PRDM15: variants seen among roughly 807,000 people sequenced by gnomAD.
PRDM15 encodes the protein PR domain zinc finger protein 15.
Under a neutral mutation model 128.6 loss-of-function variants are expected in PRDM15, and 64 were observed. The observed-to-expected ratio is 0.50, with a 90% CI of 0.41 to 0.61. The LOEUF (loss-of-function observed/expected upper bound fraction) is 0.61. PRDM15 is among the 20% of genes least tolerant of loss of function. The pLI, the probability that PRDM15 is intolerant of heterozygous loss-of-function variation, is 0.00. For synonymous variants in PRDM15, 615 were observed against 621.8 expected (o/e 0.99, Z 0.16); for missense variants, 1,242 against 1,569.1 (o/e 0.79, Z 3.52).
intron 21 of PRDM15, among the ~76,000 whole-genome samples, chr21:41,806,555 CCATCA>C (rs2061662503): frequency 8.7e-5 from 1 of 11,480 alleles, no homozygotes; most frequent in Non-Finnish European, 1.8e-4. Context: ...AACATCACCA[CCATCA>C]CCATCACCAT....
chr21:41,836,620 G>A lies in PRDM15; in HGVS notation c.1031C>T (p.Thr344Met), dbSNP rs764627146. ...TGAGAGAATTAAGCTCCTCTTGAGC[G>A]TGATGGTGTTATTCTGATGATGGGT... The part of the protein sequence containing the change: ...KFTHHQNNTI[T>M]LKRSLILSSR... The change falls in exon 9 of 24, where the codon ACG becomes ATG. Residue 344 changes from threonine (T) to methionine (M), a missense_variant. Thr to Met is a moderately conservative substitution (Grantham distance 81). Around this residue, in one of 3 missense-constraint regions of PRDM15, gnomAD observed 612 missense variants for 717.0 expected, o/e 0.85. Transcript: ENST00000398548. 6.2e-6 allele frequency: 10 copies of A among 1,612,182 alleles called. No individual in the cohort carries two copies. The highest frequency in any genetic ancestry group is 4.5e-5 in the East Asian group (2 of 44,742).
rs575749675 is a variant in PRDM15 at position 41,853,045 on chromosome 21, C to A, written c.538+1521G>T. On this transcript the variant is annotated intron_variant, in intron 5 of 23. Transcript: ENST00000398548. ...CCAGAGGTTGGGGAGAGTCCCGGGA[C>A]AGATTCTCCCTCAGGGTGCCCAGAA... Among the ~76,000 whole-genome samples, 11 of 152,364 alleles carry A rather than the reference C, an allele frequency of 7.2e-5. No homozygotes were observed. In the South Asian group the frequency reaches 2.3e-3, roughly 32 times the overall value.
At chr21:41,835,281 T>A (rs1391140213) in intron 11 of PRDM15, among the ~76,000 whole-genome samples, 156 bp downstream of exon 11, 2 of 152,186 alleles carry the variant, frequency 1.3e-5, no homozygotes, top group Non-Finnish European at 2.9e-5. Context: ...GGGTAACAAC[T>A]GCTTTGAAGC....
Position 41,801,207 on chromosome 21 carries a change from G to A in PRDM15, c.*33C>T. ...CTAAACAAATCCCAAACATCCCTCT[G>A]CAGTTCTTGCCCCGAGTCTCCCGGA... On this transcript the variant is annotated 3_prime_UTR_variant, in exon 24 of 24. Transcript: ENST00000398548. The A allele has an allele frequency of 1.3e-6, 2 of 1,504,110 alleles. No homozygotes were observed. Among genetic ancestry groups the A allele is most frequent in the African/African-American group, 2.8e-5 (2 of 71,686 alleles). The allele number at this position is 1,504,110 out of a possible 1,614,324, so 93.2% of individuals were successfully genotyped here.
chr21:41,816,930 C>G (rs1318120540), intron 18 of PRDM15, among the ~76,000 whole-genome samples: 1 of 150,904 alleles, frequency 6.6e-6, no homozygotes, highest in African/African-American at 2.4e-5. Flanking sequence ...ACTGCTGACA[C>G]GCCCAGACCC....
At chr21:41,830,469 C>CCA (rs1213353547) in intron 11 of PRDM15, among the ~76,000 whole-genome samples, 2 of 151,112 alleles carry the variant, frequency 1.3e-5, no homozygotes, top group African/African-American at 4.9e-5. Context: ...CACACATACA[C>CCA]CACACACACA....
chr21:41,876,654 G>A (rs888004321), intron 1 of PRDM15, among the ~76,000 whole-genome samples: 5 of 152,140 alleles, frequency 3.3e-5, no homozygotes, highest in Admixed American at 6.5e-5. Context: ...ACGTGGCCCC[G>A]GGGCAGGGTC....
In PRDM15 at chr21:41,839,717, G is replaced by C. The variant is rs780353182; in HGVS notation, c.777C>G (p.Thr259=). ...PAVPESENVA[T]KEQKKKPRRG... is the part of the protein sequence containing the mutation. ...TTCGAGGCTTTTTCTTCTGTTCTTT[G>C]GTGGCAACATTCTCGCTCTCGGGCA... The change falls in exon 7 of 24, where the codon ACC becomes ACG. Residue 259 remains threonine, a synonymous_variant. Transcript: ENST00000398548. 6.2e-6 allele frequency: 10 copies of C among 1,614,224 alleles called. No homozygotes were observed. In the South Asian group the frequency reaches 1.1e-4, roughly 18 times the overall value.
intron 8 of PRDM15, among the ~76,000 whole-genome samples, chr21:41,837,581 G>C (rs941667164): frequency 1.3e-5 from 2 of 152,092 alleles, no homozygotes; most frequent in Non-Finnish European, 2.9e-5. Flanking sequence ...TTTCAGCTTG[G>C]GAAGACGGGA....
intron 22 of PRDM15, 150 bp from the exon 23 acceptor site, chr21:41,803,071 C>T: frequency 1.5e-6 from 1 of 672,824 alleles, no homozygotes; most frequent in Non-Finnish European, 2.6e-6. Flanking sequence ...GTGACCACAG[C>T]TGGGTCTTGT....
At chr21:41,869,854 G>A (rs915106034) in intron 1 of PRDM15, among the ~76,000 whole-genome samples, 24 of 152,174 alleles carry the variant, frequency 1.6e-4, no homozygotes, top group African/African-American at 5.6e-4. Context: ...TGTCTACAAC[G>A]CCCCATGGCC....
At chr21:41,818,702 C>T (rs2062140373) in intron 18 of PRDM15, among the ~76,000 whole-genome samples, 2 of 152,020 alleles carry the variant, frequency 1.3e-5, no homozygotes, top group Admixed American at 6.6e-5. Context: ...ACACTGTCAC[C>T]GGGACAGCAT....
intron 21 of PRDM15, among the ~76,000 whole-genome samples, chr21:41,806,412 T>TCAC (rs1568882730): frequency 1.1e-3 from 7 of 6,176 alleles, no homozygotes; most frequent in East Asian, 9.3e-3. Flanking sequence ...ACCACCACCA[T>TCAC]CACCACCACC....
At chr21:41,871,786 G>T in intron 1 of PRDM15, 2 of 706,116 alleles carry the variant, frequency 2.8e-6, no homozygotes, top group Non-Finnish European at 4.5e-6. Flanking sequence ...GACCTGCTGC[G>T]TTTCATCACC....
intron 3 of PRDM15, among the ~76,000 whole-genome samples, chr21:41,857,894 C>T (rs984767759): frequency 6.6e-6 from 1 of 152,254 alleles, no homozygotes; most frequent in Non-Finnish European, 1.5e-5. Context: ...AGGCCGACCA[C>T]AGGGCCCTGG....
intron 19 of PRDM15, chr21:41,812,601 C>T (rs1437364917): frequency 6.6e-6 from 1 of 152,232 alleles, no homozygotes; most frequent in African/African-American, 2.4e-5. Flanking sequence ...AAAACCCAAG[C>T]CTGGTCTTTA....
intron 11 of PRDM15, among the ~76,000 whole-genome samples, chr21:41,829,054 TCACA>T (rs1304912262): frequency 4.6e-5 from 5 of 108,746 alleles, no homozygotes; most frequent in Non-Finnish European, 7.3e-5. Context: ...AAATGCACAA[TCACA>T]CACACCATAC....
intron 1 of PRDM15, among the ~76,000 whole-genome samples, chr21:41,874,525 A>ATATATATATATATATTTTTT: frequency 2.1e-5 from 2 of 95,826 alleles, no homozygotes; most frequent in Non-Finnish European, 2.0e-5. Context: ...ATATATATAT[A>ATATATATATATATATTTTTT]TTTTTTTTTT....
intron 11 of PRDM15, among the ~76,000 whole-genome samples, chr21:41,830,814 A>T (rs2062662137): frequency 6.6e-6 from 1 of 152,214 alleles, no homozygotes; most frequent in Admixed American, 6.5e-5. Flanking sequence ...GTAGCCAGTC[A>T]AACTGTGGTT....
Sources: allele counts gnomAD v4.1 joint callset (sites outside exome capture counted in the v4.1 genomes callset), GRCh38; gene constraint gnomAD v4.1.1; regional missense constraint gnomAD v4.1.1; transcripts MANE v1.5; gene names NCBI Gene and HGNC (gene_info 2026-07-23, HGNC 2026-07-21).